MYO5C: variants seen among roughly 807,000 people sequenced by gnomAD.
MYO5C encodes the protein myosin VC.
A neutral mutation model predicts 235.7 loss-of-function variants in MYO5C; 194 were observed. The ratio of observed to expected loss-of-function variants is 0.82; its 90% CI spans 0.73 to 0.93. MYO5C has a LOEUF of 0.93. MYO5C is among the 40% of genes least tolerant of loss of function. The pLI, the probability that MYO5C is intolerant of heterozygous loss-of-function variation, is 0.00. For synonymous variants in MYO5C, 707 were observed against 754.8 expected (o/e 0.94, Z 1.04); for missense variants, 2,038 against 2,127.2 (o/e 0.96, Z 0.82).
At chr15:52,256,832 G>A (rs962469024) in intron 10 of MYO5C, 112 bp from the exon 11 acceptor site, 5 of 745,576 alleles carry the variant, frequency 6.7e-6, no homozygotes, top group Non-Finnish European at 1.1e-5. Flanking sequence ...TCTTCTACAA[G>A]TTTTAAATAC....
intron 1 of MYO5C, among the ~76,000 whole-genome samples, chr15:52,288,409 G>A (rs895875392): frequency 2.0e-5 from 3 of 152,220 alleles, no homozygotes; most frequent in South Asian, 2.1e-4. Flanking sequence ...CGTAACCACT[G>A]ACGGCTTCTC....
chr15:52,271,748 C>T lies in MYO5C; in HGVS notation c.832+15G>A, dbSNP rs55655229. On this transcript the variant is annotated intron_variant, in intron 7 of 40. Coordinates refer to ENST00000261839, the MANE Select transcript of MYO5C (RefSeq NM_018728.4). Reference sequence around the variant, plus strand: ...CATAAAAGAGAGACCCTTTCATACACGATCCATCACATACCCAATTTAAGA... The same window carrying T: ...CATAAAAGAGAGACCCTTTCATACATGATCCATCACATACCCAATTTAAGA... 43 of 1,466,578 alleles carry T rather than the reference C, an allele frequency of 2.9e-5. No homozygotes were observed. The Middle Eastern group carries it at 5.3e-4, about 18-fold the overall frequency. The allele number at this position is 1,466,578 out of a possible 1,614,324, so 90.8% of individuals were successfully genotyped here.
At chr15:52,246,884 C>G (rs920113659) in intron 16 of MYO5C, 33 bp downstream of exon 16, 5 of 1,556,188 alleles carry the variant, frequency 3.2e-6, no homozygotes, top group Non-Finnish European at 3.5e-6. Flanking sequence ...TGCCTTCCCA[C>G]GTCTTCGCTG....
At chr15:52,291,991 G>A (rs1254273825) in intron 1 of MYO5C, among the ~76,000 whole-genome samples, 5 of 151,898 alleles carry the variant, frequency 3.3e-5, no homozygotes, top group Admixed American at 1.3e-4. Context: ...CGCCCGCCTC[G>A]GCCTCCCAAA....
chr15:52,201,261 GA>G (rs1330669353), intron 38 of MYO5C, among the ~76,000 whole-genome samples: 2 of 150,406 alleles, frequency 1.3e-5, no homozygotes, highest in African/African-American at 4.9e-5. Context: ...TAAAGACAAA[GA>G]AAAAAAAATC....
chr15:52,271,343 C>T (rs868367809), intron 7 of MYO5C, among the ~76,000 whole-genome samples: 1 of 152,220 alleles, frequency 6.6e-6, no homozygotes, highest in Non-Finnish European at 1.5e-5. Context: ...ATTCTTCTGC[C>T]TCAGCCTCCC....
intron 1 of MYO5C, among the ~76,000 whole-genome samples, chr15:52,288,909 A>AC (rs368377163): frequency 2.6e-5 from 4 of 151,278 alleles, no homozygotes; most frequent in Non-Finnish European, 4.4e-5. Flanking sequence ...CATGCCAGCC[A>AC]CCCCCCCAAG....
rs141826431 is a variant in MYO5C, at chr15:52,227,529, G to C, written c.3207+1604C>G. 1.1e-3 allele frequency among the ~76,000 whole-genome samples: 163 copies of C among 152,026 alleles called. 1 individual carries two copies. Among genetic ancestry groups the C allele is most frequent in the Middle Eastern group, 3.4e-3 (1 of 294 alleles). On this transcript the variant is annotated intron_variant, in intron 25 of 40. Transcript: ENST00000261839. ...ATCTTAATGGATCACATTGGAGAGT[G>C]AACCAGTCTTAGCTACCAAAGAGGA...
chr15:52,260,865 T>C lies in MYO5C; in HGVS notation c.1310A>G (p.Tyr437Cys). Reference protein sequence around the residue: ...QHTFIGVLDIYGFETFDVNSF... With the variant: ...QHTFIGVLDICGFETFDVNSF... ...GGCTCACTGAAGAGAATCTTACCCA[T>C]AAATGTCCAAAACACCAATAAAAGT... Residue 437 changes from tyrosine to cysteine, a missense_variant, in exon 10 of 41, where the codon TAT becomes TGT. By Grantham distance (194) the Tyr-to-Cys change is radical (BLOSUM62 -2). Transcript: ENST00000261839. 6.2e-7 allele frequency: 1 copy of C among 1,614,058 alleles called. No individual in the cohort carries two copies. Among genetic ancestry groups the C allele is most frequent in the East Asian group, 2.2e-5 (1 of 44,880 alleles).
Position 52,218,664 on chromosome 15 carries a change from A to G in MYO5C, c.3809T>C (p.Ile1270Thr). 6.2e-7 allele frequency: 1 copy of G among 1,614,026 alleles called. No homozygotes were observed. Among genetic ancestry groups the G allele is most frequent in the Non-Finnish European group, 8.5e-7 (1 of 1,180,006 alleles). Residue 1270 changes from isoleucine (I) to threonine (T), a missense_variant, in exon 32 of 41, where the codon ATA becomes ACA. Coordinates refer to ENST00000261839, the MANE Select transcript of MYO5C (RefSeq NM_018728.4). Reference protein sequence around the residue: ...QRKALEAQNEIHTKEKEKLID... With the variant: ...QRKALEAQNETHTKEKEKLID... ...CAGCTTCTCCTTCTCTTTGGTATGT[A>G]TTTCATTTTGGGCTTCCAAGGCCCT...
intron 38 of MYO5C, among the ~76,000 whole-genome samples, chr15:52,200,601 G>A (rs1215754874): frequency 6.6e-6 from 1 of 151,850 alleles, no homozygotes; most frequent in Non-Finnish European, 1.5e-5. Context: ...AAGACCTAGA[G>A]TCTCATAATA....
At chr15:52,218,428 A>T in intron 32 of MYO5C, 91 bp downstream of exon 32, 1 of 1,240,994 alleles carries the variant, frequency 8.1e-7, no homozygotes, top group Non-Finnish European at 1.1e-6. Flanking sequence ...TGGTCTATAG[A>T]TGTTAATCAT....
chr15:52,266,511 G>C (rs1264206297), intron 8 of MYO5C, among the ~76,000 whole-genome samples: 1 of 152,184 alleles, frequency 6.6e-6, no homozygotes, highest in African/African-American at 2.4e-5. Context: ...AGAAATGGAG[G>C]GGAAGGCGAA....
intron 9 of MYO5C, among the ~76,000 whole-genome samples, chr15:52,261,695 A>T (rs1282321753): frequency 6.6e-6 from 1 of 152,226 alleles, no homozygotes; most frequent in Non-Finnish European, 1.5e-5. Context: ...CACAAAGTGA[A>T]ATCTTGCTTC....
chr15:52,256,722 T>G lies in MYO5C; in HGVS notation c.1314-2A>C. ...CTGTTCACATCAAAGGTTTCAAAAC[T>G]GAAATACAATTTAAACAAGTTAAAA... On this transcript the variant is annotated splice_acceptor_variant, in intron 10 of 40. Transcript: ENST00000261839. LOFTEE classifies it high-confidence loss of function. The G allele has an allele frequency of 6.2e-7, 1 of 1,608,736 alleles. No individual in the cohort carries two copies. Among genetic ancestry groups the G allele is most frequent in the South Asian group, 1.1e-5 (1 of 90,800 alleles).
chr15:52,241,030 T>G (rs1226323896), intron 20 of MYO5C, among the ~76,000 whole-genome samples: 2 of 152,190 alleles, frequency 1.3e-5, no homozygotes, highest in Non-Finnish European at 2.9e-5. Flanking sequence ...CGTATGAAAC[T>G]CATCTCATCA....
intron 19 of MYO5C, 127 bp from the exon 20 acceptor site, chr15:52,242,340 A>C: frequency 9.8e-7 from 1 of 1,019,710 alleles, no homozygotes; most frequent in Non-Finnish European, 1.4e-6. Context: ...TCCACATTAA[A>C]CTCTGTGGGC....
At position 52,248,683 on chromosome 15, in the gene MYO5C, C is replaced by G; in HGVS notation, c.1746+17G>C. 6.3e-7 allele frequency: 1 copy of G among 1,587,250 alleles called. No homozygotes were observed. The highest frequency in any genetic ancestry group is 8.7e-7 in the Non-Finnish European group (1 of 1,155,788). On this transcript the variant is annotated intron_variant, in intron 14 of 40. Transcript: ENST00000261839. The stretch of plus-strand genomic sequence containing the variant: ...CAATTATATAATAACTTTAGTTACC[C>G]CTAGGACTTTACAGACCTTGCTTGC...
At chr15:52,198,626 G>A (rs1303204103) in intron 38 of MYO5C, among the ~76,000 whole-genome samples, 1 of 152,108 alleles carries the variant, frequency 6.6e-6, no homozygotes, top group South Asian at 2.1e-4. Flanking sequence ...CTGTTGCCCA[G>A]GCTGGAGAGT....
Sources: allele counts gnomAD v4.1 joint callset (sites outside exome capture counted in the v4.1 genomes callset), GRCh38; gene constraint gnomAD v4.1.1; transcripts MANE v1.5; gene names NCBI Gene and HGNC (gene_info 2026-07-23, HGNC 2026-07-21).